ADAM17: variants seen among roughly 807,000 people sequenced by gnomAD.
ADAM17 encodes disintegrin and metalloproteinase domain-containing protein 17.
A neutral mutation model predicts 96.7 loss-of-function variants in ADAM17; 39 were observed. That is an observed-to-expected ratio of 0.40 (90% CI 0.31 to 0.53). ADAM17 has a LOEUF of 0.53. Among genes scored for constraint, ADAM17 ranks in the 20% least tolerant of loss-of-function variants. The pLI, the probability that ADAM17 is intolerant of heterozygous loss-of-function variation, is 0.44. For missense variants in ADAM17, 777 were observed against 1,013.2 expected (o/e 0.77, Z 3.17); for synonymous variants, 344 against 359.2 (o/e 0.96, Z 0.48).
chr2:9,514,512 AATATAAATATATATATATATAT>A lies in ADAM17; in HGVS notation c.1191+3367_1191+3388del, dbSNP rs1466430459. On this transcript the variant is annotated intron_variant, in intron 10 of 18. Coordinates refer to ENST00000310823, the MANE Select transcript of ADAM17 (RefSeq NM_003183.6). ...CATGTATCCTAGAACTTAAATTTAA[AATATAAATATATATATATATAT>A]ATATATATATATATATATATATATA... is the stretch of plus-strand genomic sequence containing the variant. 9.0e-5 allele frequency among the ~76,000 whole-genome samples: 8 copies of A among 89,240 alleles called. No homozygotes were observed. The South Asian group carries it at 2.1e-3, about 24-fold the overall frequency. 58.5% of individuals were successfully genotyped at this position (89,240 alleles called of 152,430 possible).
chr2:9,512,048 G>A (rs1663770838), intron 10 of ADAM17, among the ~76,000 whole-genome samples: 2 of 151,456 alleles, frequency 1.3e-5, no homozygotes, highest in Non-Finnish European at 2.9e-5. Flanking sequence ...TTTTCCTAAG[G>A]GGGGGAAATC....
Position 9,514,550 on chromosome 2 carries a change from TATATATATATATATATATAA to T in ADAM17, c.1191+3331_1191+3350del, listed in dbSNP as rs1456593662. Among the ~76,000 whole-genome samples, 12 of 46,742 alleles carry T rather than the reference TATATATATATATATATATAA, an allele frequency of 2.6e-4. No individual in the cohort carries two copies. The East Asian group carries it at 5.2e-3, about 20-fold the overall frequency. 30.7% of individuals were successfully genotyped at this position (46,742 alleles called of 152,430 possible). On this transcript the variant is annotated intron_variant, in intron 10 of 18. Coordinates refer to ENST00000310823, the MANE Select transcript of ADAM17 (RefSeq NM_003183.6). ...ATATATATATATATATATATATATA[TATATATATATATATATATAA>T]ATAAAAAGAGACAGGGTCTCAGGCC...
chr2:9,545,736 G>T (rs1261790436), intron 1 of ADAM17, among the ~76,000 whole-genome samples: 1 of 152,162 alleles, frequency 6.6e-6, no homozygotes, highest in South Asian at 2.1e-4. Flanking sequence ...GTTGGATGTT[G>T]TAACACTTCC....
intron 10 of ADAM17, among the ~76,000 whole-genome samples, chr2:9,515,535 G>A (rs1006147368): frequency 2.6e-5 from 4 of 151,898 alleles, no homozygotes; most frequent in South Asian, 2.1e-4. Flanking sequence ...TCAGGAGTTC[G>A]AGACCAGCCT....
chr2:9,540,254 C>T (rs1178972624), intron 2 of ADAM17, among the ~76,000 whole-genome samples: 1 of 152,196 alleles, frequency 6.6e-6, no homozygotes, highest in East Asian at 1.9e-4. Flanking sequence ...ACTATATCCA[C>T]TTCTTCACCA....
In ADAM17 at chr2:9,527,669, GC is replaced by G. The variant is rs146113731; in HGVS notation, c.619+116del. 13,288 of 686,132 alleles carry G rather than the reference GC, an allele frequency of 0.019. 1,410 individuals are homozygous for G. The African/African-American group carries it at 0.22, about 11-fold the overall frequency. The allele number at this position is 686,132 out of a possible 1,614,324, so 42.5% of individuals were successfully genotyped here. ...TCTGGAACAAACCTCTTATTTTCAT[GC>G]CAAATACTATAGTTACTTGACAATC... On this transcript the variant is annotated intron_variant, in intron 5 of 18. Coordinates refer to ENST00000310823, the MANE Select transcript of ADAM17 (RefSeq NM_003183.6).
At position 9,488,749 on chromosome 2, in the gene ADAM17, A is replaced by C. The variant is rs959847679; in HGVS notation, c.*1428T>G. The C allele has an allele frequency of 5.9e-5, 9 of 153,220 alleles. No individual in the cohort carries two copies. The highest frequency in any genetic ancestry group is 2.2e-4 in the African/African-American group (9 of 41,486). The allele number at this position is 153,220 out of a possible 1,614,324, so 9.5% of individuals were successfully genotyped here. ...TAGTTAAAAGATAGCAAATACCATA[A>C]GGTACAAGTTCAAGTATTAGTATAA... On this transcript the variant is annotated 3_prime_UTR_variant, in exon 19 of 19. Transcript: ENST00000310823.
intron 12 of ADAM17, among the ~76,000 whole-genome samples, chr2:9,504,168 C>T (rs978593722): frequency 6.6e-6 from 1 of 151,796 alleles, no homozygotes; most frequent in South Asian, 2.1e-4. Context: ...AAATAAAGGC[C>T]AGGCACGGTG....
rs910994745 is a variant in ADAM17 at position 9,517,896 on chromosome 2, C to T, written c.1191+5G>A. ...CACTATTCTTTTAGAAATAAAAGAA[C>T]ATACCTTTGTAAGGATGGTTTTACC... On this transcript the variant is annotated splice_donor_5th_base_variant and intron_variant, in intron 10 of 18. Transcript: ENST00000310823. 1.3e-6 allele frequency: 2 copies of T among 1,558,076 alleles called. No individual in the cohort carries two copies. Among genetic ancestry groups the T allele is most frequent in the African/African-American group, 2.8e-5 (2 of 72,720 alleles).
In ADAM17 at chr2:9,491,165, G is replaced by A; in HGVS notation, c.2083-14C>T. ...CAATTTCTTATCCTAGAAAGAAACA[G>A]CAAGAAGGTCATTCCCTACAAATAC... On this transcript the variant is annotated splice_polypyrimidine_tract_variant and intron_variant, in intron 17 of 18. Coordinates refer to ENST00000310823, the MANE Select transcript of ADAM17 (RefSeq NM_003183.6). 6.2e-7 allele frequency: 1 copy of A among 1,610,320 alleles called. No individual in the cohort carries two copies. Among genetic ancestry groups the A allele is most frequent in the Non-Finnish European group, 8.5e-7 (1 of 1,176,856 alleles).
At chr2:9,498,090 T>C (rs1238716143) in intron 13 of ADAM17, among the ~76,000 whole-genome samples, 1 of 152,108 alleles carries the variant, frequency 6.6e-6, no homozygotes, top group African/African-American at 2.4e-5. Context: ...AAGGCAGGGG[T>C]GTGATCATAG....
intron 11 of ADAM17, chr2:9,507,001 G>A (rs982927028): frequency 1.3e-4 from 20 of 152,134 alleles, no homozygotes; most frequent in African/African-American, 4.6e-4. Flanking sequence ...TTCCTAAGAA[G>A]TTACAATCTC....
chr2:9,553,131 C>T (rs1313413446), intron 1 of ADAM17, among the ~76,000 whole-genome samples: 1 of 152,110 alleles, frequency 6.6e-6, no homozygotes, highest in Non-Finnish European at 1.5e-5. Context: ...TCATTGACAA[C>T]TGACAGCATC....
intron 7 of ADAM17, among the ~76,000 whole-genome samples, chr2:9,522,814 A>C (rs1664366663): frequency 6.6e-6 from 1 of 152,206 alleles, no homozygotes; most frequent in African/African-American, 2.4e-5. Flanking sequence ...AGAAATCAGA[A>C]GGAGATATCT....
chr2:9,514,696 AC>A (rs1205181686), intron 10 of ADAM17, among the ~76,000 whole-genome samples: 1 of 150,764 alleles, frequency 6.6e-6, no homozygotes, highest in Non-Finnish European at 1.5e-5. Context: ...ACACAGTGAA[AC>A]CCCGTCTCTA....
intron 2 of ADAM17, among the ~76,000 whole-genome samples, chr2:9,539,122 T>A (rs1416880610): frequency 1.3e-5 from 2 of 151,980 alleles, no homozygotes; most frequent in Non-Finnish European, 2.9e-5. Context: ...TTTTTTTTTT[T>A]TTTGAGACGG....
intron 2 of ADAM17, among the ~76,000 whole-genome samples, chr2:9,537,879 G>C (rs1183880093): frequency 2.7e-5 from 2 of 73,354 alleles, no homozygotes; most frequent in African/African-American, 5.1e-5. Context: ...CAGGAAAAGA[G>C]GGGAGGGGAG....
At chr2:9,519,067 G>A (rs535753827) in intron 8 of ADAM17, among the ~76,000 whole-genome samples, 23 of 152,020 alleles carry the variant, frequency 1.5e-4, no homozygotes, top group Admixed American at 2.6e-4. Flanking sequence ...CACCATGCCC[G>A]GCTAATTTTT....
rs1186374167 is a variant in ADAM17 at position 9,526,118 on chromosome 2, T to C, written c.746A>G (p.Asn249Ser). ...MGRGEESTTTNYLIELIDRVD... is the reference protein window; with the variant it reads ...MGRGEESTTTSYLIELIDRVD... ...GCAATATCAAATACTTACTAAGTAA[T>C]TTGTAGTTGTACTCTCTTCCCCTCT... is the stretch of plus-strand genomic sequence containing the variant. Residue 249 changes from asparagine to serine, a missense_variant, in exon 6 of 19, where the codon AAT becomes AGT. By Grantham distance (46) the Asn-to-Ser change is conservative (BLOSUM62 1). Transcript: ENST00000310823. 4 of 1,605,096 alleles carry C rather than the reference T, an allele frequency of 2.5e-6. No homozygotes were observed. Among genetic ancestry groups the C allele is most frequent in the Non-Finnish European group, 3.4e-6 (4 of 1,176,840 alleles).
Sources: gnomAD v4.1 joint callset for allele counts (sites outside exome capture counted in the v4.1 genomes callset) on GRCh38, gnomAD v4.1.1 for gene constraint, MANE v1.5 for transcripts, NCBI Gene and HGNC (gene_info 2026-07-23, HGNC 2026-07-21) for gene names.